The following PAK5 variants were observed in gnomAD, a reference collection of about 807,000 sequenced individuals.
PAK5 encodes the protein serine/threonine-protein kinase PAK 5.
A neutral mutation model predicts 65.9 loss-of-function variants in PAK5; 16 were observed. The observed-to-expected ratio is 0.24, with a 90% CI of 0.16 to 0.37. PAK5 has a LOEUF of 0.37. PAK5 is among the 10% of genes least tolerant of loss of function. PAK5 has a pLI of 1.00. For synonymous variants in PAK5, 371 were observed against 354.9 expected, an observed-to-expected ratio of 1.05 and a Z score of -0.51; for missense variants, 785 against 903.9, an observed-to-expected ratio of 0.87 and a Z score of 1.69.
intron 1 of PAK5, among the ~76,000 whole-genome samples, chr20:9,800,875 G>A (rs762800223): frequency 4.5e-4 from 68 of 151,340 alleles, no homozygotes; most frequent in Non-Finnish European, 8.4e-4. Context: ...AGCTCCAGAC[G>A]GACAGACACC....
intron 2 of PAK5, among the ~76,000 whole-genome samples, chr20:9,686,309 T>A (rs117721990): frequency 0.011 from 1,711 of 152,310 alleles, 12 homozygotes; most frequent in Non-Finnish European, 0.018. Context: ...GTTCAGTCAC[T>A]GGGAGGCACA....
At chr20:9,794,524 G>A (rs2049084127) in intron 1 of PAK5, among the ~76,000 whole-genome samples, 3 of 152,056 alleles carry the variant, frequency 2.0e-5, no homozygotes, top group Admixed American at 2.0e-4. Context: ...GCTTATAGGA[G>A]AAAATAAGCA....
At chr20:9,791,557 C>T (rs776210320) in intron 1 of PAK5, among the ~76,000 whole-genome samples, 4 of 152,124 alleles carry the variant, frequency 2.6e-5, no homozygotes, top group Non-Finnish European at 5.9e-5. Context: ...TCTCTGACCA[C>T]TGAGTCCTTC....
intron 2 of PAK5, among the ~76,000 whole-genome samples, chr20:9,694,573 A>T (rs1407869655): frequency 1.3e-5 from 2 of 152,062 alleles, no homozygotes; most frequent in African/African-American, 4.8e-5. Flanking sequence ...CAACTCCATC[A>T]AAGGCAAAAC....
rs543992820 is a variant in PAK5 at position 9,617,821 on chromosome 20, C to T, written c.204+26304G>A. On this transcript the variant is annotated intron_variant, in intron 3 of 9. Transcript: ENST00000353224. Reference sequence around the variant, plus strand: ...CCACCCGCCTCGGCCTCCCAAAGTGCTAGGATTACAGGCGTGAGCCACGAC... The same window carrying T: ...CCACCCGCCTCGGCCTCCCAAAGTGTTAGGATTACAGGCGTGAGCCACGAC... Among the ~76,000 whole-genome samples, 4 of 152,142 alleles carry T rather than the reference C, an allele frequency of 2.6e-5. No homozygotes were observed. The East Asian group carries it at 7.7e-4, about 29-fold the overall frequency.
intron 1 of PAK5, among the ~76,000 whole-genome samples, chr20:9,800,771 G>A (rs2049159948): frequency 6.6e-6 from 1 of 151,744 alleles, no homozygotes; most frequent in Non-Finnish European, 1.5e-5. Context: ...TTTTCCTAAA[G>A]AGATTAACCC....
intron 1 of PAK5, among the ~76,000 whole-genome samples, chr20:9,774,035 T>A (rs538313611): frequency 6.6e-6 from 1 of 152,256 alleles, no homozygotes; most frequent in Non-Finnish European, 1.5e-5. Context: ...AGATGGGAGA[T>A]CCACAAAGCA....
intron 1 of PAK5, among the ~76,000 whole-genome samples, chr20:9,736,502 GA>G (rs1393383226): frequency 2.6e-5 from 4 of 152,162 alleles, no homozygotes; most frequent in African/African-American, 4.8e-5. Context: ...AATAGTTCAT[GA>G]ACTAAGTGAC....
rs1223023405 is a variant in PAK5 at position 9,675,494 on chromosome 20, TTTTA to T, written c.-11-31159_-11-31156del. Among the ~76,000 whole-genome samples, 11 of 152,138 alleles carry T rather than the reference TTTTA, an allele frequency of 7.2e-5. No individual in the cohort carries two copies. The South Asian group carries it at 1.2e-3, about 17-fold the overall frequency. ...TAAAACTTAACAGGTTAATAATTAATTTTATTTATTTATTATTTATTTATTTATT... is the reference window on the plus strand; with the variant it reads ...TAAAACTTAACAGGTTAATAATTAATTTTATTTATTATTTATTTATTTATT... On this transcript the variant is annotated intron_variant, in intron 2 of 9. Transcript: ENST00000353224.
Position 9,836,596 on chromosome 20 carries a change from C to A in PAK5, c.-162+2166G>T, listed in dbSNP as rs143970039. Among the ~76,000 whole-genome samples the A allele has an allele frequency of 2.9e-3, 441 of 152,218 alleles. 1 individual carries two copies. The highest frequency in any genetic ancestry group is 8.1e-3 in the African/African-American group (338 of 41,522). The stretch of plus-strand genomic sequence containing the variant: ...CATCTTGATTTTGGACCTCTAGCCT[C>A]CAGAACCATGAGAGAATAAATTTCT... On this transcript the variant is annotated intron_variant, in intron 1 of 9. Transcript: ENST00000353224.
At chr20:9,618,403 C>CT (rs58376139) in intron 3 of PAK5, among the ~76,000 whole-genome samples, 3,688 of 129,762 alleles carry the variant, frequency 0.028, 158 homozygotes, top group African/African-American at 0.064. Flanking sequence ...CGGCCTGGAA[C>CT]TTTTTTTTTT....
chr20:9,619,335 T>C (rs752035400), intron 3 of PAK5, among the ~76,000 whole-genome samples: 2 of 152,228 alleles, frequency 1.3e-5, no homozygotes, highest in Non-Finnish European at 2.9e-5. Flanking sequence ...ACTTAGCTAT[T>C]ATCTAGGACA....
At chr20:9,756,236 C>G (rs1405082337) in intron 1 of PAK5, among the ~76,000 whole-genome samples, 2 of 152,128 alleles carry the variant, frequency 1.3e-5, no homozygotes, top group African/African-American at 4.8e-5. Context: ...GGAAGATAAC[C>G]TTTTCCAGGT....
chr20:9,604,823 G>A lies in PAK5; in HGVS notation c.205-23893C>T, dbSNP rs540824687. ...AGGGGCCATGGAATGCTGTAGGCTA[G>A]GCATTCTATGGCAGGGAGGAAAAGC... On this transcript the variant is annotated intron_variant, in intron 3 of 9. Coordinates refer to ENST00000353224, the MANE Select transcript of PAK5 (RefSeq NM_177990.4). Among the ~76,000 whole-genome samples, 7 of 152,258 alleles carry A rather than the reference G, an allele frequency of 4.6e-5. No homozygotes were observed. In the East Asian group the frequency reaches 1.4e-3, roughly 29 times the overall value.
intron 3 of PAK5, among the ~76,000 whole-genome samples, chr20:9,633,423 G>T (rs749501785): frequency 6.8e-4 from 104 of 152,254 alleles, no homozygotes; most frequent in Middle Eastern, 3.4e-3. Flanking sequence ...TAGAAATTGG[G>T]TGAATTTGCA....
At chr20:9,803,574 A>G (rs1329273844) in intron 1 of PAK5, among the ~76,000 whole-genome samples, 1 of 152,216 alleles carries the variant, frequency 6.6e-6, no homozygotes, top group East Asian at 1.9e-4. Flanking sequence ...CCTTTGAAAT[A>G]AATGTAGATC....
At chr20:9,830,450 T>C (rs1978621266) in intron 1 of PAK5, among the ~76,000 whole-genome samples, 2 of 152,314 alleles carry the variant, frequency 1.3e-5, no homozygotes, top group South Asian at 4.1e-4. Context: ...CCAAAGTTAA[T>C]TGAACCAAGA....
chr20:9,566,444 G>A (rs1478854257), intron 4 of PAK5, 60 bp from the exon 5 acceptor site: 3 of 1,504,642 alleles, frequency 2.0e-6, no homozygotes, highest in African/African-American at 1.4e-5. Flanking sequence ...CCACAGCCGA[G>A]TGGTGAGTGA....
rs142044713 is a variant in PAK5 at position 9,724,058 on chromosome 20, C to T, written c.-161-12623G>A. On this transcript the variant is annotated intron_variant, in intron 1 of 9. Transcript: ENST00000353224. ...CTGCCCGTCCATTCTAGATTGCTTG[C>T]GCATTACAAATGTAGCAGAAAATTT... Among the ~76,000 whole-genome samples, 431 of 152,250 alleles carry T rather than the reference C, an allele frequency of 2.8e-3. 3 individuals carry two copies. Among genetic ancestry groups the T allele is most frequent in the African/African-American group, 9.7e-3 (401 of 41,516 alleles).
Sources: allele counts gnomAD v4.1 joint callset (sites outside exome capture counted in the v4.1 genomes callset), GRCh38; gene constraint gnomAD v4.1.1; transcripts MANE v1.5; gene names NCBI Gene and HGNC (gene_info 2026-07-23, HGNC 2026-07-21).